RNF38: variants seen among roughly 807,000 people sequenced by gnomAD.
The protein encoded by RNF38 is E3 ubiquitin-protein ligase RNF38.
In RNF38, 15 loss-of-function variants were observed where a neutral mutation model predicts 67.2. That is an observed-to-expected ratio of 0.22 (90% CI 0.15 to 0.34). The LOEUF (loss-of-function observed/expected upper bound fraction) is 0.34, where lower values mean the gene tolerates loss of function less well. Ranked by LOEUF, RNF38 falls within the 10% of genes least tolerant of loss-of-function variation. The probability of loss-of-function intolerance (pLI) is 1.00; values close to 1 mark genes in which losing one functional copy is unlikely to be tolerated. For synonymous variants in RNF38, 220 were observed against 218.8 expected (o/e 1.01, Z -0.05); for missense variants, 524 against 639.9 (o/e 0.82, Z 1.95).
chr9:36,425,135 G>GT (rs1838735538), intron 1 of RNF38, among the ~76,000 whole-genome samples: 1 of 152,062 alleles, frequency 6.6e-6, no homozygotes, highest in African/African-American at 2.4e-5. Flanking sequence ...CACTTTAAAT[G>GT]TTTTTATTAT....
upstream of RNF38, chr9:36,400,273 A>G: frequency 2.2e-6 from 3 of 1,338,792 alleles, no homozygotes; most frequent in Non-Finnish European, 2.9e-6. Context: ...GAAGGACGCC[A>G]GAGAGGACCC....
intron 5 of RNF38, 147 bp from the exon 6 acceptor site, chr9:36,356,620 A>C: frequency 1.8e-6 from 1 of 570,872 alleles, no homozygotes; most frequent in Non-Finnish European, 2.9e-6. Context: ...ATGAAATACC[A>C]GTGTATTTTT....
At chr9:36,433,681 C>T (rs997320436) in intron 1 of RNF38, among the ~76,000 whole-genome samples, 7 of 136,134 alleles carry the variant, frequency 5.1e-5, no homozygotes, top group South Asian at 4.8e-4. Flanking sequence ...AGTGAGACTT[C>T]GCCTCAAAAA....
At chr9:36,388,256 T>C (rs887348716) in intron 2 of RNF38, among the ~76,000 whole-genome samples, 3 of 152,140 alleles carry the variant, frequency 2.0e-5, no homozygotes, top group Admixed American at 6.6e-5. Flanking sequence ...GGTCTTATTA[T>C]TATATAGATG....
chr9:36,384,872 C>T (rs1464782966), intron 2 of RNF38, among the ~76,000 whole-genome samples: 1 of 152,086 alleles, frequency 6.6e-6, no homozygotes, highest in Non-Finnish European at 1.5e-5. Flanking sequence ...TGCATTTGGC[C>T]CAGGAACTGC....
intron 1 of RNF38, among the ~76,000 whole-genome samples, chr9:36,426,987 T>C (rs1182780789): frequency 6.6e-6 from 1 of 152,218 alleles, no homozygotes; most frequent in African/African-American, 2.4e-5. Flanking sequence ...GGTACTACAA[T>C]TAACACTTCT....
chr9:36,487,209 C>T, intron 1 of RNF38: 1 of 758,126 alleles, frequency 1.3e-6, no homozygotes, highest in Non-Finnish European at 1.6e-6. Context: ...ACGCTCCTCC[C>T]CGTCGGCGGG....
At chr9:36,400,684 C>T (rs1587619215), upstream of RNF38, 1 of 985,932 alleles carries the variant, frequency 1.0e-6, no homozygotes, top group Non-Finnish European at 1.2e-6. Context: ...TCCTCACCCC[C>T]GGAACCCCGG....
intron 4 of RNF38, among the ~76,000 whole-genome samples, chr9:36,367,082 G>A (rs1835026604): frequency 2.6e-5 from 4 of 152,156 alleles, no homozygotes; most frequent in Admixed American, 1.3e-4. Flanking sequence ...GGTATTTTAC[G>A]CAGGAAGGGT....
chr9:36,377,771 T>C (rs1013562118), intron 2 of RNF38, among the ~76,000 whole-genome samples: 1 of 152,230 alleles, frequency 6.6e-6, no homozygotes, highest in Non-Finnish European at 1.5e-5. Flanking sequence ...ATCTCTAGAT[T>C]ACTTAATAAT....
At chr9:36,360,710 A>G (rs1396023993) in intron 4 of RNF38, among the ~76,000 whole-genome samples, 2 of 152,184 alleles carry the variant, frequency 1.3e-5, no homozygotes, top group African/African-American at 2.4e-5. Flanking sequence ...TATATCCTAT[A>G]TCTGATTTTA....
At chr9:36,344,203 C>T (rs1833048940) in intron 10 of RNF38, among the ~76,000 whole-genome samples, 2 of 151,978 alleles carry the variant, frequency 1.3e-5, no homozygotes, top group African/African-American at 2.4e-5. Context: ...TTAGTAGAGA[C>T]AGGGTTTTGC....
At chr9:36,394,005 A>G (rs1837337113) in intron 1 of RNF38, among the ~76,000 whole-genome samples, 1 of 152,182 alleles carries the variant, frequency 6.6e-6, no homozygotes, top group Non-Finnish European at 1.5e-5. Flanking sequence ...GGCCGGGTAC[A>G]GTGGCTCACG....
chr9:36,369,943 TATCAA>T lies in RNF38; in HGVS notation c.357-16_357-12del. On this transcript the variant is annotated splice_polypyrimidine_tract_variant and intron_variant, in intron 3 of 11. Transcript: ENST00000259605. ...CGCCTGACAGGAGGACTGTGATAAATATCAAAAAGAAAGTCATTATGCTTATTGTG... is the reference window on the plus strand; with the variant it reads ...CGCCTGACAGGAGGACTGTGATAAATAAAGAAAGTCATTATGCTTATTGTG... The T allele has an allele frequency of 2.5e-5, 40 of 1,606,750 alleles. No homozygotes were observed. Among genetic ancestry groups the T allele is most frequent in the Non-Finnish European group, 3.4e-5 (40 of 1,176,148 alleles).
intron 4 of RNF38, among the ~76,000 whole-genome samples, chr9:36,367,159 C>G (rs920454915): frequency 2.6e-5 from 4 of 152,142 alleles, no homozygotes; most frequent in Admixed American, 1.3e-4. Context: ...CTGACAGACT[C>G]AAAATTGAAG....
intron 2 of RNF38, among the ~76,000 whole-genome samples, chr9:36,378,596 T>C (rs1320339213): frequency 4.6e-5 from 7 of 152,316 alleles, no homozygotes; most frequent in Admixed American, 2.0e-4. Flanking sequence ...ACACAGAACT[T>C]TGAATTCTAA....
chr9:36,341,323 G>A (rs1025762117), intron 11 of RNF38, among the ~76,000 whole-genome samples: 6 of 152,058 alleles, frequency 3.9e-5, no homozygotes, highest in African/African-American at 1.4e-4. Flanking sequence ...GATTGAGTTT[G>A]GGCTAAACTA....
At chr9:36,412,902 A>C (rs972814847) in intron 2 of RNF38, among the ~76,000 whole-genome samples, 1 of 152,138 alleles carries the variant, frequency 6.6e-6, no homozygotes, top group African/African-American at 2.4e-5. Flanking sequence ...GTGAAACCCT[A>C]TCTCTACTAA....
chr9:36,426,115 C>CCA (rs1296838024), intron 1 of RNF38, among the ~76,000 whole-genome samples: 33 of 152,300 alleles, frequency 2.2e-4, no homozygotes, highest in African/African-American at 7.9e-4. Flanking sequence ...ACTGATACTT[C>CCA]CAGATATGTA....
Sources: allele counts gnomAD v4.1 joint callset (sites outside exome capture counted in the v4.1 genomes callset), GRCh38; gene constraint gnomAD v4.1.1; transcripts MANE v1.5; gene names NCBI Gene and HGNC (gene_info 2026-07-23, HGNC 2026-07-21).